DNM1: variants seen among roughly 807,000 people sequenced by gnomAD.
The protein encoded by DNM1 is dynamin-1.
DNM1 carries 29 observed loss-of-function variants against 104.6 expected under a neutral mutation model. That is an observed-to-expected ratio of 0.28 (90% CI 0.21 to 0.38). The LOEUF is 0.38. Among genes scored for constraint, DNM1 ranks in the 10% least tolerant of loss-of-function variants. The probability of loss-of-function intolerance (pLI) is 1.00; values close to 1 mark genes in which losing one functional copy is unlikely to be tolerated. For missense variants in DNM1, 640 were observed against 1,189.4 expected (o/e 0.54, Z 6.79); for synonymous variants, 445 against 475.8 (o/e 0.94, Z 0.84).
intron 1 of DNM1, among the ~76,000 whole-genome samples, chr9:128,217,450 C>G (rs147810106): frequency 4.1e-4 from 63 of 152,218 alleles, no homozygotes; most frequent in African/African-American, 1.4e-3. Context: ...GAGTTTTGCT[C>G]TTGTCGCCTA....
At chr9:128,232,188 G>A in intron 10 of DNM1, 1 of 394,140 alleles carries the variant, frequency 2.5e-6, no homozygotes, top group Non-Finnish European at 5.1e-6. Context: ...CCTTCTCCCT[G>A]CTCCTCCAAA....
intron 1 of DNM1, among the ~76,000 whole-genome samples, chr9:128,213,588 G>A (rs191205272): frequency 2.3e-3 from 348 of 152,254 alleles, no homozygotes; most frequent in Non-Finnish European, 4.1e-3. Context: ...AGATTGCTGT[G>A]GAGAGAGCAC....
Position 128,224,099 on chromosome 9 carries a change from C to G in DNM1, c.1197-152C>G. On this transcript the variant is annotated intron_variant, in intron 9 of 21. Coordinates refer to ENST00000372923, the MANE Select transcript of DNM1 (RefSeq NM_004408.4). This position sits in a 1 kb window ranked among gnomAD's most constrained non-coding sequence, Gnocchi z 4.3. ...AACCCTTCATTAGAACCCCTCCCTC[C>G]CATTTTACAACTGGGGACACTGAGG... 1.1e-6 allele frequency: 1 copy of G among 929,928 alleles called. No individual in the cohort carries two copies. The highest frequency in any genetic ancestry group is 1.5e-6 in the Non-Finnish European group (1 of 649,080). 57.6% of individuals were successfully genotyped at this position (929,928 alleles called of 1,614,324 possible).
rs34036148 is a variant in DNM1, at chr9:128,239,567, CGTGTGTGTGT to C, written c.1493+93_1493+102del. ...AGTGCTCCCTGGGCAGAGAAGGTAACGTGTGTGTGTGTGTGTGTGTGTGTGTGTGTGTGTG... is the reference window on the plus strand; with the variant it reads ...AGTGCTCCCTGGGCAGAGAAGGTAACGTGTGTGTGTGTGTGTGTGTGTGTG... On this transcript the variant is annotated intron_variant, in intron 12 of 21. Transcript: ENST00000372923. 4,552 of 881,768 alleles carry C rather than the reference CGTGTGTGTGT, an allele frequency of 5.2e-3. 36 individuals are homozygous for C. The highest frequency in any genetic ancestry group is 0.039 in the African/African-American group (2,046 of 52,048). 54.6% of individuals were successfully genotyped at this position (881,768 alleles called of 1,614,324 possible).
intron 10 of DNM1, among the ~76,000 whole-genome samples, chr9:128,230,600 G>A (rs1372890793): frequency 2.6e-5 from 4 of 151,576 alleles, no homozygotes; most frequent in East Asian, 1.9e-4. Context: ...ACAGGTGCCC[G>A]CCATCACACC....
Position 128,226,489 on chromosome 9 carries a change from C to T in DNM1, c.1335+2100C>T, listed in dbSNP as rs543115669. 2.4e-4 allele frequency among the ~76,000 whole-genome samples: 36 copies of T among 152,374 alleles called. No homozygotes were observed. The South Asian group carries it at 6.2e-3, about 26-fold the overall frequency. ...CACGCTAAGTGCTTGCCCTTACTAT[C>T]TGACTCAGTCCTCTCAACCACCCTA... is the stretch of plus-strand genomic sequence containing the variant. On this transcript the variant is annotated intron_variant, in intron 10 of 21. Transcript: ENST00000372923.
intron 11 of DNM1, among the ~76,000 whole-genome samples, chr9:128,236,971 C>T (rs1588417998): frequency 1.3e-5 from 2 of 152,218 alleles, no homozygotes; most frequent in East Asian, 3.8e-4. Context: ...AACCACAAGC[C>T]TGCTGTGTGC....
Position 128,240,016 on chromosome 9 carries a change from C to T in DNM1, c.1557+20C>T. 2 of 1,614,058 alleles carry T rather than the reference C, an allele frequency of 1.2e-6. No individual in the cohort carries two copies. The highest frequency in any genetic ancestry group is 1.7e-6 in the Non-Finnish European group (2 of 1,179,950). On this transcript the variant is annotated intron_variant, in intron 14 of 21. Coordinates refer to ENST00000372923, the MANE Select transcript of DNM1 (RefSeq NM_004408.4). This position sits in a 1 kb window ranked among gnomAD's most constrained non-coding sequence, Gnocchi z 5.1. ...ATTCTGGTGAGTACCAGGACTGGGG[C>T]TCTCGGCTTGTGTAGTGAGGGGGCG...
Position 128,242,288 on chromosome 9 carries a change from C to G in DNM1, c.1614C>G (p.Ser538=). 6.2e-7 allele frequency: 1 copy of G among 1,613,542 alleles called. No individual in the cohort carries two copies. Among genetic ancestry groups the G allele is most frequent in the Non-Finnish European group, 8.5e-7 (1 of 1,179,460 alleles). Residue 538 remains serine (S), a synonymous_variant, in exon 15 of 22, where the codon TCC becomes TCG. Coordinates refer to ENST00000372923, the MANE Select transcript of DNM1 (RefSeq NM_004408.4). ...INNIGIMKGG[S]KEYWFVLTAE... Reference sequence around the variant, plus strand: ...ATATTGGCATCATGAAAGGGGGCTCCAAGGAGTACTGGTTTGTGCTGACTG... The same window carrying G: ...ATATTGGCATCATGAAAGGGGGCTCGAAGGAGTACTGGTTTGTGCTGACTG...
chr9:128,244,945 G>A (rs776488161), intron 15 of DNM1: 4 of 317,116 alleles, frequency 1.3e-5, no homozygotes, highest in Admixed American at 3.5e-5. Flanking sequence ...CAGCCAGCCC[G>A]TGGTCCCCTC....
chr9:128,233,986 T>C (rs1260181529), intron 10 of DNM1, 35 bp from the exon 11 acceptor site: 1 of 1,545,944 alleles, frequency 6.5e-7, no homozygotes. Flanking sequence ...GTGCCCTCTG[T>C]GTACGTGGCT....
Position 128,240,318 on chromosome 9 carries a change from T to C in DNM1, c.1557+322T>C. 1 of 350,152 alleles carries C rather than the reference T, an allele frequency of 2.9e-6. No homozygotes were observed. Among genetic ancestry groups the C allele is most frequent in the Admixed American group, 4.6e-5 (1 of 21,936 alleles). 21.7% of individuals were successfully genotyped at this position (350,152 alleles called of 1,614,324 possible). ...GGGATGCACGTGAGCAAGACACATT[T>C]TTAAGAAGCTGACAGCCATCGCCTC... On this transcript the variant is annotated intron_variant, in intron 14 of 21. Coordinates refer to ENST00000372923, the MANE Select transcript of DNM1 (RefSeq NM_004408.4). The surrounding 1 kb of genome is among the most constrained non-coding windows in gnomAD (Gnocchi z 5.1).
Position 128,254,029 on chromosome 9 carries a change from C to T in DNM1, c.2535-625C>T, listed in dbSNP as rs1213660106. ...AGCAGGAAGGGCCCAGCCTCACCTA[C>T]GAGACCTGCAGCCCCCCGACCAGCT... On this transcript the variant is annotated intron_variant, in intron 21 of 21. Transcript: ENST00000372923. This position sits in a 1 kb window ranked among gnomAD's most constrained non-coding sequence, Gnocchi z 6.1. 7 of 1,236,604 alleles carry T rather than the reference C, an allele frequency of 5.7e-6. No individual in the cohort carries two copies. The African/African-American group carries it at 6.2e-5, about 11-fold the overall frequency. 76.6% of individuals were successfully genotyped at this position (1,236,604 alleles called of 1,614,324 possible). A position where few individuals can be genotyped will look rare whatever the true frequency, so the allele number is the denominator to read the frequency against.
chr9:128,227,720 T>A (rs1367426035), intron 10 of DNM1, among the ~76,000 whole-genome samples: 1 of 152,200 alleles, frequency 6.6e-6, no homozygotes, highest in African/African-American at 2.4e-5. Flanking sequence ...TATTCCACTG[T>A]AGAAATGTGG....
At chr9:128,212,006 G>A (rs1350207066) in intron 1 of DNM1, among the ~76,000 whole-genome samples, 1 of 152,212 alleles carries the variant, frequency 6.6e-6, no homozygotes, top group East Asian at 1.9e-4. Context: ...ACTAGCCAGG[G>A]TGGGGAGAAA....
chr9:128,230,289 G>A (rs1279762211), intron 10 of DNM1, among the ~76,000 whole-genome samples: 2 of 149,820 alleles, frequency 1.3e-5, no homozygotes, highest in Non-Finnish European at 3.0e-5. Context: ...CATATTGTTG[G>A]GAAAAAAAAA....
In DNM1 at chr9:128,210,026, TTGTTTTGTTTTGTC is replaced by T. The variant is rs1378220654; in HGVS notation, c.161+6409_161+6422del. ...TCTTCTATCATTCCAAGTTTTTGTT[TTGTTTTGTTTTGTC>T]TGTTTTGTTTTGTTTTGTTTTGTAA... is the stretch of plus-strand genomic sequence containing the variant. On this transcript the variant is annotated intron_variant, in intron 1 of 21. Transcript: ENST00000372923. Among the ~76,000 whole-genome samples, 649 of 152,036 alleles carry T rather than the reference TTGTTTTGTTTTGTC, an allele frequency of 4.3e-3. 19 individuals are homozygous for T. Among genetic ancestry groups the T allele is most frequent in the Admixed American group, 0.039 (603 of 15,290 alleles).
At position 128,220,918 on chromosome 9, in the gene DNM1, TTTCTTTCTTTC is replaced by T. The variant is rs1292311211; in HGVS notation, c.849+580_849+590del. 2.7e-5 allele frequency among the ~76,000 whole-genome samples: 4 copies of T among 148,824 alleles called. No homozygotes were observed. The highest frequency in any genetic ancestry group is 6.0e-5 in the Non-Finnish European group (4 of 66,954). ...CTTTCTTTCTTTCTTTCTTTCTTTC[TTTCTTTCTTTC>T]TTTCTTTTCTTTTCTTTCTTTCTTT... On this transcript the variant is annotated intron_variant, in intron 6 of 21. Transcript: ENST00000372923. The surrounding 1 kb of genome is among the most constrained non-coding windows in gnomAD (Gnocchi z 5.2).
In DNM1 at chr9:128,220,835, G is replaced by C. The variant is rs574352424; in HGVS notation, c.849+494G>C. 9.7e-4 allele frequency among the ~76,000 whole-genome samples: 147 copies of C among 151,262 alleles called. No homozygotes were observed. The highest frequency in any genetic ancestry group is 6.8e-3 in the Middle Eastern group (2 of 292). ...ATCCCAGTTTTGTCACTCCCCCTCT[G>C]AGACACTCTCTCTGGCTCTCTGAGC... is the stretch of plus-strand genomic sequence containing the variant. On this transcript the variant is annotated intron_variant, in intron 6 of 21. Transcript: ENST00000372923. This position sits in a 1 kb window ranked among gnomAD's most constrained non-coding sequence, Gnocchi z 5.2.
Sources: allele counts gnomAD v4.1 joint callset (sites outside exome capture counted in the v4.1 genomes callset), GRCh38; gene constraint gnomAD v4.1.1; non-coding constraint Gnocchi (gnomAD v3.1); transcripts MANE v1.5; gene names NCBI Gene and HGNC (gene_info 2026-07-23, HGNC 2026-07-21).